The following PDE9A variants were observed in gnomAD, a reference collection of about 807,000 sequenced individuals.
PDE9A encodes the protein phosphodiesterase 9A.
In PDE9A, 60 loss-of-function variants were observed where a neutral mutation model predicts 87.4. The observed-to-expected ratio is 0.69, with a 90% CI of 0.56 to 0.85. PDE9A has a LOEUF of 0.85. Ranked by LOEUF, PDE9A falls within the 40% of genes least tolerant of loss-of-function variation. The pLI is 0.00. For synonymous variants in PDE9A, 272 were observed against 279.4 expected (o/e 0.97, Z 0.27); for missense variants, 665 against 779.0 (o/e 0.85, Z 1.74).
chr21:42,690,553 C>T (rs1049948074), intron 3 of PDE9A, among the ~76,000 whole-genome samples: 5 of 151,970 alleles, frequency 3.3e-5, no homozygotes, highest in Admixed American at 1.3e-4. Context: ...GGGGGCGGCA[C>T]GTGCTGAGAT....
In PDE9A at chr21:42,721,276, G is replaced by A. The variant is rs576458975; in HGVS notation, c.263-10494G>A. On this transcript the variant is annotated intron_variant, in intron 4 of 19. Coordinates refer to ENST00000291539, the MANE Select transcript of PDE9A (RefSeq NM_002606.3). ...AAATTCCCCTCTCTGAAAATGAAAG[G>A]GAAAAAACTCGATTCAATGCCTGCC... Among the ~76,000 whole-genome samples, 3 of 152,256 alleles carry A rather than the reference G, an allele frequency of 2.0e-5. No homozygotes were observed. In the East Asian group the frequency reaches 5.8e-4, roughly 29 times the overall value.
At chr21:42,771,113 G>A (rs964653440) in intron 18 of PDE9A, among the ~76,000 whole-genome samples, 8 of 152,194 alleles carry the variant, frequency 5.3e-5, no homozygotes, top group East Asian at 3.9e-4. Flanking sequence ...TGTATCAGCC[G>A]CCGTTAGAGC....
chr21:42,654,457 G>T (rs919486695), intron 1 of PDE9A, among the ~76,000 whole-genome samples: 1 of 152,190 alleles, frequency 6.6e-6, no homozygotes, highest in African/African-American at 2.4e-5. Flanking sequence ...TAGCGGACTT[G>T]AGTTACACGG....
At chr21:42,742,349 C>T (rs999108168) in intron 7 of PDE9A, among the ~76,000 whole-genome samples, 10 of 150,174 alleles carry the variant, frequency 6.7e-5, no homozygotes, top group African/African-American at 1.7e-4. Context: ...CCCGAGCATT[C>T]GGGGCGCAGA....
In PDE9A at chr21:42,705,896, C is replaced by T. The variant is rs1285170103; in HGVS notation, c.262+6885C>T. Among the ~76,000 whole-genome samples, 2 of 152,178 alleles carry T rather than the reference C, an allele frequency of 1.3e-5. No individual in the cohort carries two copies. Among genetic ancestry groups the T allele is most frequent in the African/African-American group, 4.8e-5 (2 of 41,448 alleles). ...CCCCCGCGGAGACCCACACCACATTCTACTCCCCTGGCCAGAGACCGAGGG... is the reference window on the plus strand; with the variant it reads ...CCCCCGCGGAGACCCACACCACATTTTACTCCCCTGGCCAGAGACCGAGGG... On this transcript the variant is annotated intron_variant, in intron 4 of 19. Transcript: ENST00000291539. This position sits in a 1 kb window ranked among gnomAD's most constrained non-coding sequence, Gnocchi z 4.3.
At chr21:42,749,540 T>C (rs2054209351) in intron 8 of PDE9A, among the ~76,000 whole-genome samples, 1 of 152,214 alleles carries the variant, frequency 6.6e-6, no homozygotes, top group African/African-American at 2.4e-5. Flanking sequence ...GTGGCTTTCC[T>C]CTGAAACATG....
At chr21:42,732,858 G>A (rs2051970643) in intron 6 of PDE9A, among the ~76,000 whole-genome samples, 1 of 152,210 alleles carries the variant, frequency 6.6e-6, no homozygotes, top group Non-Finnish European at 1.5e-5. Context: ...AGGTTGCCGT[G>A]AGCCGAGATC....
In PDE9A at chr21:42,760,724, C is replaced by G. The variant is rs779321324; in HGVS notation, c.1003-101C>G. On this transcript the variant is annotated intron_variant, in intron 12 of 19. Transcript: ENST00000291539. The surrounding 1 kb of genome is among the most constrained non-coding windows in gnomAD (Gnocchi z 5.2). ...GGAGATGCCAGATGGCTGCAGGGGC[C>G]TTTGTCCCCCGCTTACCACTCACCC... is the stretch of plus-strand genomic sequence containing the variant. The G allele has an allele frequency of 1.3e-6, 1 of 758,702 alleles. No individual in the cohort carries two copies. The highest frequency in any genetic ancestry group is 2.4e-6 in the Non-Finnish European group (1 of 423,272). The allele number at this position is 758,702 out of a possible 1,614,324, so 47.0% of individuals were successfully genotyped here.
At chr21:42,773,259 CAAA>C (rs10552392) in intron 19 of PDE9A, among the ~76,000 whole-genome samples, 21 of 84,226 alleles carry the variant, frequency 2.5e-4, no homozygotes, top group African/African-American at 5.8e-4. Context: ...GACTCCATCT[CAAA>C]AAAAAAAAAA....
intron 8 of PDE9A, among the ~76,000 whole-genome samples, chr21:42,745,933 A>G (rs562142645): frequency 6.8e-4 from 103 of 152,334 alleles, no homozygotes; most frequent in African/African-American, 2.1e-3. Context: ...CACCGCCCCA[A>G]GGGGTGTGTC....
intron 9 of PDE9A, among the ~76,000 whole-genome samples, chr21:42,753,242 G>A (rs1463729643): frequency 6.6e-6 from 1 of 152,094 alleles, no homozygotes; most frequent in Non-Finnish European, 1.5e-5. Flanking sequence ...CTGACCTCAG[G>A]TGATCCGCTC....
At chr21:42,687,774 A>G in intron 2 of PDE9A, 143 bp from the exon 3 acceptor site, 1 of 657,522 alleles carries the variant, frequency 1.5e-6, no homozygotes, top group Middle Eastern at 3.0e-4. Flanking sequence ...ACGGCCTCCC[A>G]CCCTTCCCAT....
At chr21:42,771,020 A>G (rs1214170052) in intron 18 of PDE9A, among the ~76,000 whole-genome samples, 1 of 152,250 alleles carries the variant, frequency 6.6e-6, no homozygotes, top group Non-Finnish European at 1.5e-5. Context: ...AGGTCTCAGT[A>G]CCTTCGAGGG....
chr21:42,715,447 T>A (rs566596441), intron 4 of PDE9A, among the ~76,000 whole-genome samples: 3 of 151,944 alleles, frequency 2.0e-5, no homozygotes, highest in Non-Finnish European at 2.9e-5. Context: ...GCCAACATGG[T>A]GAAACCCTGT....
At chr21:42,768,080 C>A (rs2056577364) in intron 15 of PDE9A, 108 bp from the exon 16 acceptor site, 1 of 716,952 alleles carries the variant, frequency 1.4e-6, no homozygotes, top group South Asian at 1.6e-5. Flanking sequence ...CATGGTCCAG[C>A]AGGTCCTCCG....
At chr21:42,701,695 A>G (rs369004112) in intron 4 of PDE9A, among the ~76,000 whole-genome samples, 5 of 152,320 alleles carry the variant, frequency 3.3e-5, no homozygotes, top group African/African-American at 1.2e-4. Context: ...CCCTGAGATT[A>G]CAGACGTGAG....
chr21:42,734,668 G>A (rs1217420559), intron 7 of PDE9A: 1 of 152,220 alleles, frequency 6.6e-6, no homozygotes, highest in Non-Finnish European at 1.5e-5. Context: ...CGCCTCCTGG[G>A]TTCAAGTGAT....
intron 1 of PDE9A, among the ~76,000 whole-genome samples, chr21:42,661,062 C>CT (rs1337133837): frequency 3.9e-4 from 59 of 149,440 alleles, no homozygotes; most frequent in Non-Finnish European, 1.0e-4. Context: ...GATGGAGTCT[C>CT]GCTCTGTCGC....
At chr21:42,745,525 C>G (rs908297393) in intron 8 of PDE9A, among the ~76,000 whole-genome samples, 2 of 152,240 alleles carry the variant, frequency 1.3e-5, no homozygotes, top group Non-Finnish European at 2.9e-5. Flanking sequence ...TGCACAGGGA[C>G]GGCCACACAG....
Sources: gnomAD v4.1 joint callset for allele counts (sites outside exome capture counted in the v4.1 genomes callset) on GRCh38, gnomAD v4.1.1 for gene constraint, Gnocchi (gnomAD v3.1) non-coding constraint, MANE v1.5 for transcripts, NCBI Gene and HGNC (gene_info 2026-07-23, HGNC 2026-07-21) for gene names.